LRMDA: variants seen among roughly 807,000 people sequenced by gnomAD.
LRMDA encodes the protein leucine-rich melanocyte differentiation-associated protein.
In LRMDA, 18 loss-of-function variants were observed where a neutral mutation model predicts 29.8. The ratio of observed to expected loss-of-function variants is 0.60; its 90% CI spans 0.42 to 0.90. The LOEUF (loss-of-function observed/expected upper bound fraction) is 0.90, where lower values mean the gene tolerates loss of function less well. Ranked by LOEUF, LRMDA falls within the 40% of genes least tolerant of loss-of-function variation. The pLI, the probability that LRMDA is intolerant of heterozygous loss-of-function variation, is 0.00. For missense variants in LRMDA, 273 were observed against 273.9 expected (o/e 1.00, Z 0.02); for synonymous variants, 125 against 109.4 (o/e 1.14, Z -0.89).
At chr10:76,045,685 T>C (rs1366431733) in intron 3 of LRMDA, among the ~76,000 whole-genome samples, 1 of 152,116 alleles carries the variant, frequency 6.6e-6, no homozygotes. Context: ...CTTCATCATG[T>C]GGAAGAGAAG....
intron 2 of LRMDA, among the ~76,000 whole-genome samples, chr10:75,596,458 A>G (rs746730826): frequency 4.6e-5 from 7 of 152,162 alleles, no homozygotes; most frequent in Non-Finnish European, 7.3e-5. Context: ...GAGTCTCCTT[A>G]GCAACACATC....
At chr10:76,483,725 A>C (rs1489861201) in intron 6 of LRMDA, among the ~76,000 whole-genome samples, 2 of 127,344 alleles carry the variant, frequency 1.6e-5, no homozygotes, top group African/African-American at 2.7e-5. Context: ...AGAAACCATT[A>C]AAAAAAAAAA....
chr10:76,518,590 A>G (rs1302386530), intron 6 of LRMDA, among the ~76,000 whole-genome samples: 2 of 152,188 alleles, frequency 1.3e-5, no homozygotes, highest in African/African-American at 2.4e-5. Context: ...CTATGAAATA[A>G]TGGTTTCATA....
At chr10:75,545,350 A>G (rs1177011200) in intron 2 of LRMDA, among the ~76,000 whole-genome samples, 3 of 152,142 alleles carry the variant, frequency 2.0e-5, no homozygotes, top group African/African-American at 7.2e-5. Flanking sequence ...AAAGAAAAAA[A>G]TTTGAGAATT....
intron 2 of LRMDA, among the ~76,000 whole-genome samples, chr10:75,489,469 TC>T (rs1844957716): frequency 6.6e-6 from 1 of 152,226 alleles, no homozygotes; most frequent in African/African-American, 2.4e-5. Context: ...CCTTTGGATT[TC>T]AACTTGTTTA....
At chr10:75,993,440 A>G (rs1374997222) in intron 2 of LRMDA, among the ~76,000 whole-genome samples, 1 of 152,188 alleles carries the variant, frequency 6.6e-6, no homozygotes, top group Non-Finnish European at 1.5e-5. Context: ...TTTTGCAGTT[A>G]AACAATAGCT....
At chr10:75,834,040 G>A (rs1289829421) in intron 2 of LRMDA, among the ~76,000 whole-genome samples, 1 of 152,172 alleles carries the variant, frequency 6.6e-6, no homozygotes, top group Non-Finnish European at 1.5e-5. Flanking sequence ...CGTGAAGGTA[G>A]GATGTGTTTG....
intron 2 of LRMDA, among the ~76,000 whole-genome samples, chr10:75,537,517 T>C (rs1265818886): frequency 2.0e-5 from 3 of 152,226 alleles, no homozygotes; most frequent in African/African-American, 7.2e-5. Flanking sequence ...GCACAGTGCC[T>C]GGCATAATTT....
chr10:76,168,116 A>G (rs757056379), intron 5 of LRMDA, among the ~76,000 whole-genome samples: 2 of 152,184 alleles, frequency 1.3e-5, no homozygotes, highest in Non-Finnish European at 2.9e-5. Context: ...CCTGCTTTAT[A>G]AATTATACAT....
intron 2 of LRMDA, among the ~76,000 whole-genome samples, chr10:75,705,251 A>G (rs1472447595): frequency 6.6e-6 from 1 of 152,200 alleles, no homozygotes; most frequent in Non-Finnish European, 1.5e-5. Context: ...TGAGATGTTT[A>G]TGAAGAAAGT....
intron 2 of LRMDA, among the ~76,000 whole-genome samples, chr10:75,556,716 AGGGG>A (rs1840217843): frequency 6.7e-6 from 1 of 150,068 alleles, no homozygotes; most frequent in Non-Finnish European, 1.5e-5. Context: ...CTGAAGCATA[AGGGG>A]TGGGGTAACA....
chr10:76,506,678 T>C (rs1449384893), intron 6 of LRMDA, among the ~76,000 whole-genome samples: 1 of 152,052 alleles, frequency 6.6e-6, no homozygotes, highest in Admixed American at 6.6e-5. Context: ...TTTAGCTCCA[T>C]GGCATAAGTA....
chr10:76,484,131 C>T lies in LRMDA; in HGVS notation c.602-73078C>T, dbSNP rs191206369. 1.8e-3 allele frequency among the ~76,000 whole-genome samples: 275 copies of T among 151,770 alleles called. 4 individuals are homozygous for T. Among genetic ancestry groups the T allele is most frequent in the Middle Eastern group, 0.01 (3 of 294 alleles). ...TCCCTTCTTCTTCCTCCTCTTTCTC[C>T]CTTTTCTTACTTTTTCTTGTCCCAT... On this transcript the variant is annotated intron_variant, in intron 6 of 6. Coordinates refer to ENST00000611255, the MANE Select transcript of LRMDA (RefSeq NM_001305581.2).
chr10:75,886,173 T>C (rs1416111595), intron 2 of LRMDA, among the ~76,000 whole-genome samples: 2 of 152,222 alleles, frequency 1.3e-5, no homozygotes. Context: ...GGTCTGCAGA[T>C]GGTTTCTAGT....
chr10:75,461,336 C>T (rs766735670), intron 2 of LRMDA, among the ~76,000 whole-genome samples: 30 of 151,418 alleles, frequency 2.0e-4, no homozygotes, highest in Non-Finnish European at 3.8e-4. Context: ...GGTTTTTTTT[C>T]CTTTGGGTAT....
chr10:75,725,379 T>C (rs1379455809), intron 2 of LRMDA, among the ~76,000 whole-genome samples: 1 of 152,230 alleles, frequency 6.6e-6, no homozygotes, highest in East Asian at 1.9e-4. Context: ...CGAGCCCCGC[T>C]CTTCTTTGTC....
chr10:75,514,965 A>T (rs1048056461), intron 2 of LRMDA, among the ~76,000 whole-genome samples: 1 of 152,170 alleles, frequency 6.6e-6, no homozygotes, highest in Non-Finnish European at 1.5e-5. Context: ...TATTCTGGGT[A>T]GCAGAAAAAA....
intron 5 of LRMDA, among the ~76,000 whole-genome samples, chr10:76,210,101 T>A (rs1851609434): frequency 6.6e-6 from 1 of 152,224 alleles, no homozygotes; most frequent in South Asian, 2.1e-4. Context: ...GAGCTTTGGC[T>A]TAATTACACA....
intron 6 of LRMDA, among the ~76,000 whole-genome samples, chr10:76,473,933 A>G (rs928477121): frequency 3.4e-4 from 51 of 151,632 alleles, no homozygotes; most frequent in African/African-American, 1.2e-3. Flanking sequence ...GTTCAACACA[A>G]TTGACTCTCT....
Sources: gnomAD v4.1 joint callset for allele counts (sites outside exome capture counted in the v4.1 genomes callset) on GRCh38, gnomAD v4.1.1 for gene constraint, MANE v1.5 for transcripts, NCBI Gene and HGNC (gene_info 2026-07-23, HGNC 2026-07-21) for gene names.